Variants in NUFIP2 observed in about 807,000 individuals in gnomAD.
NUFIP2 encodes the protein FMR1-interacting protein NUFIP2.
Under a neutral mutation model 56.9 loss-of-function variants are expected in NUFIP2, and 6 were observed. The ratio of observed to expected loss-of-function variants is 0.11; its 90% CI spans 0.06 to 0.21. The LOEUF (loss-of-function observed/expected upper bound fraction) is 0.21. Ranked by LOEUF, NUFIP2 falls within the 10% of genes least tolerant of loss-of-function variation. NUFIP2 has a pLI of 1.00. For missense variants in NUFIP2, 828 were observed against 826.8 expected, an observed-to-expected ratio of 1.00 and a Z score of -0.02; for synonymous variants, 321 against 298.2, an observed-to-expected ratio of 1.08 and a Z score of -0.79.
chr17:29,281,177 C>T (rs951422707), intron 2 of NUFIP2, among the ~76,000 whole-genome samples: 1 of 151,598 alleles, frequency 6.6e-6, no homozygotes, highest in Middle Eastern at 3.4e-3. Context: ...GCTGGGCAGC[C>T]GGGCACGGTG....
At position 29,285,986 on chromosome 17, in the gene NUFIP2, A is replaced by T. The variant is rs1243042112; in HGVS notation, c.2002+6T>A. On this transcript the variant is annotated splice_donor_region_variant and intron_variant, in intron 2 of 3. Transcript: ENST00000225388. ...AAAATCTTTGTATAGGAAACAAATG[A>T]GTTACCTTTAGTGTGATATACAATA... 3.8e-6 allele frequency: 6 copies of T among 1,578,754 alleles called. No homozygotes were observed. The highest frequency in any genetic ancestry group is 8.6e-7 in the Non-Finnish European group (1 of 1,162,412).
At position 29,258,484 on chromosome 17, in the gene NUFIP2, A is replaced by C. The variant is rs183120372; in HGVS notation, c.*6055T>G. The C allele has an allele frequency of 3.3e-5, 5 of 152,330 alleles. No homozygotes were observed. Among genetic ancestry groups the C allele is most frequent in the African/African-American group, 9.6e-5 (4 of 41,576 alleles). 9.4% of individuals were successfully genotyped at this position (152,330 alleles called of 1,614,324 possible). ...AGCTTACATAGACAAATGTTTTCTA[A>C]AAGATCAGCAACAAATCAATGACAC... On this transcript the variant is annotated 3_prime_UTR_variant, in exon 4 of 4. Transcript: ENST00000225388.
At chr17:29,279,739 T>G (rs1268495667) in intron 2 of NUFIP2, among the ~76,000 whole-genome samples, 3 of 152,136 alleles carry the variant, frequency 2.0e-5, no homozygotes, top group Non-Finnish European at 4.4e-5. Context: ...GATCTCAAAC[T>G]CCTGAGCTCA....
chr17:29,275,681 G>A (rs2069103397), intron 2 of NUFIP2, among the ~76,000 whole-genome samples: 2 of 152,134 alleles, frequency 1.3e-5, no homozygotes, highest in Middle Eastern at 3.4e-3. Flanking sequence ...CCATTACTCA[G>A]GCCTCATTTT....
intron 1 of NUFIP2, among the ~76,000 whole-genome samples, chr17:29,289,047 G>A (rs2069195050): frequency 6.6e-6 from 1 of 152,160 alleles, no homozygotes; most frequent in Non-Finnish European, 1.5e-5. Flanking sequence ...AGCTGAGGGA[G>A]GAGGATAGCT....
rs780217643 is a variant in NUFIP2, at chr17:29,256,997, T to C, written c.*7542A>G. ...AAACCAGCTTTAAGACAAAAAATCG[T>C]CACCAAGTTCCATATGACAAAAAAG... On this transcript the variant is annotated 3_prime_UTR_variant, in exon 4 of 4. Transcript: ENST00000225388. 13 of 152,204 alleles carry C rather than the reference T, an allele frequency of 8.5e-5. No homozygotes were observed. Among genetic ancestry groups the C allele is most frequent in the Non-Finnish European group, 1.5e-4 (10 of 68,024 alleles). 9.4% of individuals were successfully genotyped at this position (152,204 alleles called of 1,614,324 possible).
In NUFIP2 at chr17:29,286,435, T is replaced by C; in HGVS notation, c.1559A>G (p.Glu520Gly). Residue 520 changes from glutamate (E) to glycine (G), a missense_variant, in exon 2 of 4, where the codon GAG becomes GGG. Coordinates refer to ENST00000225388, the MANE Select transcript of NUFIP2 (RefSeq NM_020772.3). ...CTCTGATGACTTCCCAGTAACAGTC[T>C]CAGGGCCAGCACTGGGCTCATTTAT... ...SFINEPSAGPETVTGKSSEHK... is the reference protein window; with the variant it reads ...SFINEPSAGPGTVTGKSSEHK... 6.2e-7 allele frequency: 1 copy of C among 1,614,148 alleles called. No individual in the cohort carries two copies. The highest frequency in any genetic ancestry group is 8.5e-7 in the Non-Finnish European group (1 of 1,179,998).
At chr17:29,275,139 C>T (rs67533400) in intron 2 of NUFIP2, among the ~76,000 whole-genome samples, 37 of 151,830 alleles carry the variant, frequency 2.4e-4, no homozygotes, top group Middle Eastern at 3.4e-3. Context: ...CTGCCTCAGC[C>T]CCCCCCAAGC....
At chr17:29,289,604 A>G (rs1291814255) in intron 1 of NUFIP2, among the ~76,000 whole-genome samples, 1 of 152,174 alleles carries the variant, frequency 6.6e-6, no homozygotes, top group Non-Finnish European at 1.5e-5. Context: ...AAAAAAAAGA[A>G]AAAAGAAAGA....
intron 1 of NUFIP2, among the ~76,000 whole-genome samples, chr17:29,291,035 C>CAAAAAAAAAAAAAAAA (rs60000691): frequency 2.8e-5 from 2 of 72,444 alleles, no homozygotes; most frequent in Non-Finnish European, 3.4e-5. Context: ...GTTTTAATAA[C>CAAAAAAAAAAAAAAAA]AAAAAAAAAA....
chr17:29,268,932 A>C (rs371560012), intron 2 of NUFIP2, among the ~76,000 whole-genome samples: 1 of 152,202 alleles, frequency 6.6e-6, no homozygotes, highest in Admixed American at 6.5e-5. Flanking sequence ...AATGTCTACA[A>C]TGTGCTTAGT....
In NUFIP2 at chr17:29,281,130, A is replaced by G. The variant is rs373467098; in HGVS notation, c.2002+4862T>C. 2.5e-4 allele frequency among the ~76,000 whole-genome samples: 38 copies of G among 150,182 alleles called. No homozygotes were observed. In the East Asian group the frequency reaches 3.0e-3, roughly 12 times the overall value. ...GGTAAAATACACAGACACCGTCACTATATGTATATATACATATATAAAAAA... is the reference window on the plus strand; with the variant it reads ...GGTAAAATACACAGACACCGTCACTGTATGTATATATACATATATAAAAAA... On this transcript the variant is annotated intron_variant, in intron 2 of 3. Transcript: ENST00000225388.
chr17:29,293,678 C>T (rs978220571), intron 1 of NUFIP2, 105 bp downstream of exon 1: 9 of 1,266,594 alleles, frequency 7.1e-6, no homozygotes, highest in Admixed American at 5.7e-5. Context: ...GGGACACACA[C>T]ACACACACCC....
chr17:29,287,025 A>T lies in NUFIP2; in HGVS notation c.969T>A (p.His323Gln). ...CCTCTTTGGAGGCAACAGCTGAAGC[A>T]TGCTTTCCTTTGGGCCGATCATCAA... ...KKFDDRPKGK[H>Q]ASAVASKEDS... The change falls in exon 2 of 4, where the codon CAT becomes CAA. Residue 323 changes from histidine (H) to glutamine (Q), a missense_variant. Around this residue, in one of 3 missense-constraint regions of NUFIP2, gnomAD observed 415 missense variants for 408.7 expected, o/e 1.02. Transcript: ENST00000225388. The T allele has an allele frequency of 6.2e-7, 1 of 1,614,220 alleles. No individual in the cohort carries two copies. The highest frequency in any genetic ancestry group is 8.5e-7 in the Non-Finnish European group (1 of 1,180,034).
chr17:29,286,617 T>C lies in NUFIP2; in HGVS notation c.1377A>G (p.Leu459=). 1 of 1,614,202 alleles carries C rather than the reference T, an allele frequency of 6.2e-7. No homozygotes were observed. The highest frequency in any genetic ancestry group is 1.1e-5 in the South Asian group (1 of 91,092). ...TAATTTGTTCAACAGCTGCTGAAGT[T>C]AGACTCATGTCCTGGAGAACTGAAT... ...GTDSVLQDMS[L]TSAAVEQIKT... The change falls in exon 2 of 4, where the codon CTA becomes CTG. Residue 459 remains leucine (L), a synonymous_variant. Coordinates refer to ENST00000225388, the MANE Select transcript of NUFIP2 (RefSeq NM_020772.3).
At chr17:29,275,450 GGT>G (rs1416463206) in intron 2 of NUFIP2, among the ~76,000 whole-genome samples, 2 of 152,158 alleles carry the variant, frequency 1.3e-5, no homozygotes, top group Non-Finnish European at 2.9e-5. Flanking sequence ...ACCCCAGGAA[GGT>G]TATAGTAAAG....
chr17:29,272,901 G>C (rs1392747754), intron 2 of NUFIP2, among the ~76,000 whole-genome samples: 1 of 151,154 alleles, frequency 6.6e-6, no homozygotes, highest in Non-Finnish European at 1.5e-5. Context: ...CCAGGCTGAA[G>C]AGCAGCAGTG....
chr17:29,268,195 G>A (rs2069050161), intron 2 of NUFIP2, among the ~76,000 whole-genome samples: 1 of 152,192 alleles, frequency 6.6e-6, no homozygotes, highest in African/African-American at 2.4e-5. Flanking sequence ...CACTGTGCCA[G>A]CCCGGCTGGC....
At chr17:29,292,881 C>CGG (rs1375853349) in intron 1 of NUFIP2, among the ~76,000 whole-genome samples, 21,571 of 79,676 alleles carry the variant, frequency 0.27, 4,367 homozygotes, top group East Asian at 0.38. Context: ...CGGCCGGCGA[C>CGG]GGGGGGGGGG....
Sources: gnomAD v4.1 joint callset for allele counts (sites outside exome capture counted in the v4.1 genomes callset) on GRCh38, gnomAD v4.1.1 for gene constraint, gnomAD v4.1.1 regional missense constraint, MANE v1.5 for transcripts, NCBI Gene and HGNC (gene_info 2026-07-23, HGNC 2026-07-21) for gene names.